Variants in TRPM2 observed in about 807,000 individuals in gnomAD.
TRPM2 encodes transient receptor potential cation channel subfamily M member 2.
Under a neutral mutation model 174.0 loss-of-function variants are expected in TRPM2, and 161 were observed. That is an observed-to-expected ratio of 0.93 (90% CI 0.81 to 1.05). The LOEUF (loss-of-function observed/expected upper bound fraction) is 1.05. Ranked by LOEUF, TRPM2 falls within the 50% of genes least tolerant of loss-of-function variation. The pLI, the probability that TRPM2 is intolerant of heterozygous loss-of-function variation, is 0.00. For missense variants in TRPM2, 2,057 were observed against 2,038.0 expected, an observed-to-expected ratio of 1.01 and a Z score of -0.18; for synonymous variants, 954 against 861.3, an observed-to-expected ratio of 1.11 and a Z score of -1.88.
At position 44,399,333 on chromosome 21, in the gene TRPM2, A is replaced by G. The variant is rs757234839; in HGVS notation, c.2100A>G (p.Arg700=). ...AGTGCTACCGGAAGGACGAAGAGAG[A>G]GCCCAGAAACTGCTCACCCGCGTGT... ...FTECYRKDEE[R]AQKLLTRVSE... is the part of the protein sequence containing the mutation. Residue 700 remains arginine, a synonymous_variant, in exon 14 of 32, where the codon AGA becomes AGG. Transcript: ENST00000397928. The surrounding 1 kb of genome is among the most constrained non-coding windows in gnomAD (Gnocchi z 4.6). 2.5e-6 allele frequency: 4 copies of G among 1,612,680 alleles called. No homozygotes were observed. The South Asian group carries it at 3.3e-5, about 13-fold the overall frequency.
upstream of TRPM2, among the ~76,000 whole-genome samples, chr21:44,352,428 G>A (rs1002394299): frequency 4.6e-5 from 7 of 152,240 alleles, no homozygotes; most frequent in East Asian, 1.9e-4. Context: ...TTCGAGCTGC[G>A]TGGCCCCGAA....
intron 15 of TRPM2, 98 bp downstream of exon 15, chr21:44,400,469 G>A (rs2049581211): frequency 1.9e-6 from 2 of 1,028,282 alleles, no homozygotes. Flanking sequence ...CTCGCTGGGA[G>A]CAAGTCATGT....
At position 44,354,032 on chromosome 21, in the gene TRPM2, G is replaced by A. The variant is rs969495277; in HGVS notation, c.165+167G>A. On this transcript the variant is annotated intron_variant, in intron 1 of 31. Transcript: ENST00000397928. This position sits in a 1 kb window ranked among gnomAD's most constrained non-coding sequence, Gnocchi z 4.3. ...AGAACAGAACTGGGGAGGGTGATGC[G>A]TGTCTCGTCTTCTGTGGGTTGCATG... Among the ~76,000 whole-genome samples, 8 of 152,180 alleles carry A rather than the reference G, an allele frequency of 5.3e-5. No homozygotes were observed. Among genetic ancestry groups the A allele is most frequent in the East Asian group, 1.9e-4 (1 of 5,198 alleles).
chr21:44,413,772 C>T, intron 19 of TRPM2, 119 bp from the exon 20 acceptor site: 7 of 1,180,578 alleles, frequency 5.9e-6, no homozygotes, highest in Non-Finnish European at 8.5e-6. Context: ...CCCAAATGAG[C>T]AGCATCAGGC....
upstream of TRPM2, among the ~76,000 whole-genome samples, chr21:44,351,798 G>A (rs1051558794): frequency 1.3e-5 from 2 of 152,338 alleles, no homozygotes; most frequent in East Asian, 3.9e-4. Context: ...CTGCAAAGTC[G>A]GGTGGTGCTG....
intron 25 of TRPM2, 57 bp from the exon 26 acceptor site, chr21:44,426,603 G>A (rs1259107381): frequency 2.5e-6 from 4 of 1,577,122 alleles, no homozygotes; most frequent in Non-Finnish European, 2.6e-6. Flanking sequence ...CCTGGTGCCT[G>A]GCCCAGCTTT....
chr21:44,440,768 T>C (rs1230066052), intron 30 of TRPM2, 21 bp from the exon 31 acceptor site: 1 of 1,609,308 alleles, frequency 6.2e-7, no homozygotes, highest in Non-Finnish European at 8.5e-7. Context: ...CTGTCGGGCT[T>C]ACCCTGCCCT....
chr21:44,369,112 C>T lies in TRPM2; in HGVS notation c.605-65C>T, dbSNP rs1289311212. 2.9e-6 allele frequency: 4 copies of T among 1,367,422 alleles called. No homozygotes were observed. In the East Asian group the frequency reaches 1.0e-4, roughly 36 times the overall value. 84.7% of individuals were successfully genotyped at this position (1,367,422 alleles called of 1,614,324 possible). ...GCTGAGCCTAGAAGGGCTCAGGCGT[C>T]AGGCTCCTGGGTGTCAGGTGCCCCT... On this transcript the variant is annotated intron_variant, in intron 4 of 31. Transcript: ENST00000397928.
rs146431153 is a variant in TRPM2 at position 44,382,739 on chromosome 21, C to T, written c.1237C>T (p.Arg413Trp). The change falls in exon 9 of 32, where the codon CGG becomes TGG. Residue 413 changes from arginine to tryptophan, a missense_variant. Coordinates refer to ENST00000397928, the MANE Select transcript of TRPM2 (RefSeq NM_003307.4). ...GCAGATCCAAGATATCGTCCGGAGG[C>T]GGCAGCTGCTGACTGTCTTCCGGGA... is the stretch of plus-strand genomic sequence containing the variant. Reference protein sequence around the residue: ...TKKIQDIVRRRQLLTVFREGK... With the variant: ...TKKIQDIVRRWQLLTVFREGK... The T allele has an allele frequency of 7.6e-5, 122 of 1,613,986 alleles. No individual in the cohort carries two copies. The highest frequency in any genetic ancestry group is 5.6e-4 in the African/African-American group (42 of 75,038).
At chr21:44,426,842 G>A (rs2050803770) in intron 26 of TRPM2, 106 bp downstream of exon 26, 2 of 1,462,570 alleles carry the variant, frequency 1.4e-6, no homozygotes, top group Non-Finnish European at 1.9e-6. Context: ...AGGTCCAGGT[G>A]AGCAGGAGGG....
chr21:44,350,408 CG>C (rs1174049244), upstream of TRPM2: 13 of 141,356 alleles, frequency 9.2e-5, no homozygotes, highest in African/African-American at 3.6e-4. Flanking sequence ...TGCAGGGGTG[CG>C]GGGTGCGGGG....
rs2051355469 is a variant in TRPM2, at chr21:44,438,334, G to C, written c.4168-733G>C. Among the ~76,000 whole-genome samples, 1 of 152,196 alleles carries C rather than the reference G, an allele frequency of 6.6e-6. No individual in the cohort carries two copies. Among genetic ancestry groups the C allele is most frequent in the African/African-American group, 2.4e-5 (1 of 41,456 alleles). On this transcript the variant is annotated intron_variant, in intron 29 of 31. Transcript: ENST00000397928. This position sits in a 1 kb window ranked among gnomAD's most constrained non-coding sequence, Gnocchi z 5.9. The stretch of plus-strand genomic sequence containing the variant: ...TGCGGGGTGCGTGGAGTTGGGTTTG[G>C]GGGTCCCACTCACTGGCATCCCTGT...
chr21:44,392,114 G>A (rs570306994), intron 11 of TRPM2, among the ~76,000 whole-genome samples: 4 of 151,634 alleles, frequency 2.6e-5, no homozygotes, highest in African/African-American at 4.9e-5. Flanking sequence ...ACAGGTATGC[G>A]CCACCACACC....
intron 2 of TRPM2, among the ~76,000 whole-genome samples, chr21:44,358,213 C>T (rs2048112520): frequency 6.6e-6 from 1 of 152,224 alleles, no homozygotes; most frequent in Admixed American, 6.5e-5. Flanking sequence ...CTGCTGTGGC[C>T]ACCCTGGTCC....
rs778906809 is a variant in TRPM2 at position 44,366,216 on chromosome 21, C to T, written c.424-538C>T. On this transcript the variant is annotated intron_variant, in intron 3 of 31. Coordinates refer to ENST00000397928, the MANE Select transcript of TRPM2 (RefSeq NM_003307.4). The surrounding 1 kb of genome is among the most constrained non-coding windows in gnomAD (Gnocchi z 6.0). ...AGCTGGGCCCACTGAGTCCCCAGGA[C>T]GGGCCAGGGCACAGGGGCCACAGAG... 4.2e-4 allele frequency among the ~76,000 whole-genome samples: 62 copies of T among 149,020 alleles called. No individual in the cohort carries two copies. Among genetic ancestry groups the T allele is most frequent in the Admixed American group, 6.7e-4 (10 of 14,854 alleles).
Position 44,429,385 on chromosome 21 carries a change from T to A in TRPM2, c.3974+2274T>A, listed in dbSNP as rs541190021. ...TCACTACAACCTCTGCCTCCTGGGT[T>A]CAAGCAATTCTCCTGCCTCAGCCTC... On this transcript the variant is annotated intron_variant, in intron 27 of 31. Coordinates refer to ENST00000397928, the MANE Select transcript of TRPM2 (RefSeq NM_003307.4). Among the ~76,000 whole-genome samples the A allele has an allele frequency of 5.9e-4, 86 of 146,230 alleles. 2 individuals are homozygous for A. In the South Asian group the frequency reaches 0.012, roughly 21 times the overall value.
chr21:44,391,032 C>G lies in TRPM2; in HGVS notation c.1440+7C>G. The stretch of plus-strand genomic sequence containing the variant: ...GGATGAGTGGCAGTGGAAGGTAAGT[C>G]TTCCAGAGCACCCCGTGGAGGGGCC... On this transcript the variant is annotated splice_region_variant and intron_variant, in intron 10 of 31. Transcript: ENST00000397928. This position sits in a 1 kb window ranked among gnomAD's most constrained non-coding sequence, Gnocchi z 5.0. 3 of 1,613,712 alleles carry G rather than the reference C, an allele frequency of 1.9e-6. No homozygotes were observed. Among genetic ancestry groups the G allele is most frequent in the Non-Finnish European group, 2.5e-6 (3 of 1,180,022 alleles).
At chr21:44,374,549 C>A (rs2048639803) in intron 5 of TRPM2, among the ~76,000 whole-genome samples, 1 of 152,180 alleles carries the variant, frequency 6.6e-6, no homozygotes, top group African/African-American at 2.4e-5. Context: ...TGTTTTCCTG[C>A]AGCTAGACGG....
At chr21:44,361,138 TC>T (rs1305075652) in intron 2 of TRPM2, among the ~76,000 whole-genome samples, 3 of 152,312 alleles carry the variant, frequency 2.0e-5, no homozygotes, top group Middle Eastern at 3.4e-3. Flanking sequence ...GCTGCTTGTG[TC>T]AATATTATTA....
Sources: gnomAD v4.1 joint callset for allele counts (sites outside exome capture counted in the v4.1 genomes callset) on GRCh38, gnomAD v4.1.1 for gene constraint, Gnocchi (gnomAD v3.1) non-coding constraint, MANE v1.5 for transcripts, NCBI Gene and HGNC (gene_info 2026-07-23, HGNC 2026-07-21) for gene names.